FANCI: variants seen among roughly 807,000 people sequenced by gnomAD.
FANCI encodes the protein Fanconi anemia group I protein.
Under a neutral mutation model 176.1 loss-of-function variants are expected in FANCI, and 156 were observed. The observed-to-expected ratio is 0.89, with a 90% CI of 0.78 to 1.01. FANCI has a LOEUF of 1.01. Among genes scored for constraint, FANCI ranks in the 50% least tolerant of loss-of-function variants. The pLI is 0.00. For synonymous variants in FANCI, 613 were observed against 541.7 expected, an observed-to-expected ratio of 1.13 and a Z score of -1.83; for missense variants, 1,678 against 1,534.1, an observed-to-expected ratio of 1.09 and a Z score of -1.57.
intron 9 of FANCI, among the ~76,000 whole-genome samples, chr15:89,267,332 A>ATTT (rs1159827768): frequency 2.7e-4 from 26 of 94,736 alleles, no homozygotes; most frequent in African/African-American, 6.6e-4. Context: ...AAAAAAAAAA[A>ATTT]TTTTTTTTTT....
Position 89,274,265 on chromosome 15 carries a change from C to G in FANCI, c.1073C>G (p.Ser358Cys), listed in dbSNP as rs141578134. The G allele has an allele frequency of 2.5e-6, 4 of 1,613,100 alleles. No individual in the cohort carries two copies. In the East Asian group the frequency reaches 8.9e-5, roughly 36 times the overall value. The change falls in exon 12 of 38, where the codon TCT (serine) becomes TGT (cysteine). Residue 358 changes from serine to cysteine, a missense_variant. This residue lies in a region of FANCI where 469 missense variants were observed against 436.9 expected (regional missense o/e 1.07). Transcript: ENST00000310775. ...CTTCAGAATCTAGTTCCTCATAGAT[C>G]TTATGTTTCAACCATGATCTTGGAA... ...KFLQNLVPHRSYVSTMILEVV... is the reference protein window; with the variant it reads ...KFLQNLVPHRCYVSTMILEVV...
At chr15:89,270,522 CT>C (rs959462268) in intron 10 of FANCI, among the ~76,000 whole-genome samples, 26 of 148,548 alleles carry the variant, frequency 1.8e-4, no homozygotes, top group Admixed American at 3.3e-4. Context: ...TTTTTTTTTT[CT>C]TTTTTTTGTC....
At chr15:89,264,764 A>G in intron 9 of FANCI, 157 bp downstream of exon 9, 1 of 608,270 alleles carries the variant, frequency 1.6e-6, no homozygotes, top group East Asian at 3.2e-5. Context: ...AAAGAGAATA[A>G]CATGATCTCT....
Position 89,292,943 on chromosome 15 carries a change from A to G in FANCI, c.2171A>G (p.Asp724Gly). Residue 724 changes from aspartate to glycine, a missense_variant and splice_region_variant, in exon 22 of 38, where the codon GAT becomes GGT. By Grantham distance (94) the Asp-to-Gly change is moderately conservative (BLOSUM62 -1). This residue lies in a region of FANCI where 1,204 missense variants were observed against 1,077.4 expected (regional missense o/e 1.12). Coordinates refer to ENST00000310775, the MANE Select transcript of FANCI (RefSeq NM_001113378.2). ...IKSELEDFEL[D>G]KSADFSQSTS... is the part of the protein sequence containing the mutation. The stretch of plus-strand genomic sequence containing the variant: ...TAATTTTTATCTTGTGTCTTTTAGG[A>G]TAAATCAGCAGATTTTTCTCAGAGC... 1 of 1,614,128 alleles carries G rather than the reference A, an allele frequency of 6.2e-7. No individual in the cohort carries two copies. Among genetic ancestry groups the G allele is most frequent in the Non-Finnish European group, 8.5e-7 (1 of 1,180,020 alleles).
chr15:89,250,013 T>C (rs1354500795), intron 2 of FANCI, among the ~76,000 whole-genome samples: 1 of 152,176 alleles, frequency 6.6e-6, no homozygotes, highest in Non-Finnish European at 1.5e-5. Flanking sequence ...TTACAAACTA[T>C]TCTCTGTGAT....
chr15:89,264,558 T>G lies in FANCI; in HGVS notation c.706T>G (p.Phe236Val), dbSNP rs1356319036. ...RKSVLEGIIA[F>V]FSALDKQHNE... is the part of the protein sequence containing the mutation. ...GAGTGTTTTGGAAGGAATCATAGCC[T>G]TCTTCAGTGCACTAGATAAGCAGCA... Residue 236 changes from phenylalanine to valine, a missense_variant, in exon 9 of 38, where the codon TTC becomes GTC. Coordinates refer to ENST00000310775, the MANE Select transcript of FANCI (RefSeq NM_001113378.2). The G allele has an allele frequency of 1.3e-5, 21 of 1,613,810 alleles. No homozygotes were observed. The highest frequency in any genetic ancestry group is 1.6e-5 in the Non-Finnish European group (19 of 1,179,896).
At chr15:89,274,650 G>T in intron 12 of FANCI, among the ~76,000 whole-genome samples, 1 of 127,120 alleles carries the variant, frequency 7.9e-6, no homozygotes, top group African/African-American at 3.0e-5. Context: ...TGTCACCGAG[G>T]CTGGAGTGTA....
chr15:89,317,196 C>A (rs3176238), downstream of FANCI: 1 of 636,868 alleles, frequency 1.6e-6, no homozygotes, highest in African/African-American at 1.8e-5. Context: ...GCCTTCATTT[C>A]TGAAACATCA....
intron 9 of FANCI, among the ~76,000 whole-genome samples, 193 bp from the exon 10 acceptor site, chr15:89,268,206 C>T (rs1191122275): frequency 6.6e-6 from 1 of 152,100 alleles, no homozygotes; most frequent in African/African-American, 2.4e-5. Context: ...GCAATCCTCC[C>T]ACCTCAGCCT....
chr15:89,265,443 G>A (rs1352005698), intron 9 of FANCI, among the ~76,000 whole-genome samples: 1 of 152,038 alleles, frequency 6.6e-6, no homozygotes, highest in East Asian at 1.9e-4. Context: ...CTGGCCTGAA[G>A]TGATTCACCC....
At chr15:89,296,900 C>T (rs1319127437) in intron 24 of FANCI, among the ~76,000 whole-genome samples, 4 of 147,734 alleles carry the variant, frequency 2.7e-5, no homozygotes, top group South Asian at 2.2e-4. Context: ...CCGGACGGGG[C>T]GGCTGGCCGG....
rs187204942 is a variant in FANCI, at chr15:89,274,868, G to A, written c.1112+564G>A. 2.7e-3 allele frequency among the ~76,000 whole-genome samples: 407 copies of A among 151,670 alleles called. 1 individual carries two copies. Among genetic ancestry groups the A allele is most frequent in the Middle Eastern group, 6.8e-3 (2 of 294 alleles). Reference sequence around the variant, plus strand: ...AATCCACCTGCCTTGGCCTCCCAAAGTGCTGGGATTACAGGCTTGAGCCAC... The same window carrying A: ...AATCCACCTGCCTTGGCCTCCCAAAATGCTGGGATTACAGGCTTGAGCCAC... On this transcript the variant is annotated intron_variant, in intron 12 of 37. Transcript: ENST00000310775.
chr15:89,245,740 T>C (rs1053688682), intron 1 of FANCI: 1 of 152,156 alleles, frequency 6.6e-6, no homozygotes, highest in Admixed American at 6.5e-5. Context: ...CAGGACTTAT[T>C]TTATCCTTAC....
intron 9 of FANCI, among the ~76,000 whole-genome samples, chr15:89,265,093 G>A (rs1310833781): frequency 1.3e-5 from 2 of 152,224 alleles, no homozygotes; most frequent in Non-Finnish European, 2.9e-5. Flanking sequence ...ACTGAAGCCT[G>A]AATGATAAGA....
At position 89,292,840 on chromosome 15, in the gene FANCI, G is replaced by A. The variant is rs371068301; in HGVS notation, c.2145G>A (p.Lys715=). The part of the protein sequence containing the change: ...ILESITNRMI[K]SELEDFELDK... ...AGTCCATTACTAATAGAATGATTAA[G>A]AGTGAGCTGGAAGACTTTGAACTGG... The change falls in exon 21 of 38, where the codon AAG becomes AAA. Residue 715 remains lysine, a synonymous_variant. Coordinates refer to ENST00000310775, the MANE Select transcript of FANCI (RefSeq NM_001113378.2). 6.2e-7 allele frequency: 1 copy of A among 1,613,978 alleles called. No homozygotes were observed. Among genetic ancestry groups the A allele is most frequent in the African/African-American group, 1.3e-5 (1 of 74,902 alleles).
At chr15:89,311,247 T>C (rs985070080) in intron 34 of FANCI, among the ~76,000 whole-genome samples, 1 of 149,108 alleles carries the variant, frequency 6.7e-6, no homozygotes, top group Non-Finnish European at 1.5e-5. Context: ...CAACAGAGCA[T>C]GACTCTGTCT....
chr15:89,306,508 A>G (rs545666305), intron 32 of FANCI, among the ~76,000 whole-genome samples: 95 of 152,234 alleles, frequency 6.2e-4, no homozygotes, highest in Admixed American at 1.4e-3. Context: ...CCTGGCCAAC[A>G]TGGTGAAACC....
chr15:89,273,479 T>A lies in FANCI; in HGVS notation c.975+10T>A, dbSNP rs754088170. On this transcript the variant is annotated intron_variant, in intron 11 of 37. Coordinates refer to ENST00000310775, the MANE Select transcript of FANCI (RefSeq NM_001113378.2). ...AAGATTTCAGGACCAGGTATTTTTT[T>A]AAAATGCCATTTTGTTTCTTTCTGT... is the stretch of plus-strand genomic sequence containing the variant. 5.0e-6 allele frequency: 7 copies of A among 1,393,468 alleles called. No individual in the cohort carries two copies. In the South Asian group the frequency reaches 5.9e-5, roughly 12 times the overall value. 86.3% of individuals were successfully genotyped at this position (1,393,468 alleles called of 1,614,324 possible). A position where few individuals can be genotyped will look rare whatever the true frequency, so the allele number is the denominator to read the frequency against.
intron 2 of FANCI, among the ~76,000 whole-genome samples, chr15:89,253,926 A>T (rs573945059): frequency 6.6e-6 from 1 of 152,212 alleles, no homozygotes; most frequent in African/African-American, 2.4e-5. Context: ...AAAATAAAAG[A>T]TAGTGATCCA....
Sources: gnomAD v4.1 joint callset for allele counts (sites outside exome capture counted in the v4.1 genomes callset) on GRCh38, gnomAD v4.1.1 for gene constraint, gnomAD v4.1.1 regional missense constraint, MANE v1.5 for transcripts, NCBI Gene and HGNC (gene_info 2026-07-23, HGNC 2026-07-21) for gene names.